The following LRRC1 variants were observed in gnomAD, a reference collection of about 807,000 sequenced individuals.
LRRC1 encodes the protein leucine rich repeat containing 1.
In LRRC1, 28 loss-of-function variants were observed where a neutral mutation model predicts 69.9. The observed-to-expected ratio is 0.40, with a 90% CI of 0.30 to 0.55. The LOEUF (loss-of-function observed/expected upper bound fraction) is 0.55, where lower values mean the gene tolerates loss of function less well. LRRC1 is among the 20% of genes least tolerant of loss of function. LRRC1 has a pLI of 0.47. For missense variants in LRRC1, 498 were observed against 609.0 expected (o/e 0.82, Z 1.92); for synonymous variants, 236 against 240.2 (o/e 0.98, Z 0.16).
At chr6:53,847,766 G>A (rs1399506627) in intron 2 of LRRC1, among the ~76,000 whole-genome samples, 1 of 152,162 alleles carries the variant, frequency 6.6e-6, no homozygotes, top group African/African-American at 2.4e-5. Flanking sequence ...AACCAATCTC[G>A]AACCCTGTTG....
intron 1 of LRRC1, among the ~76,000 whole-genome samples, chr6:53,840,095 TTCTCTGTTTCCTGGA>T (rs933793921): frequency 1.2e-4 from 19 of 152,216 alleles, no homozygotes; most frequent in Non-Finnish European, 2.6e-4. Context: ...GTTTTGTTGA[TTCTCTGTTTCCTGGA>T]TCTCAGGTTG....
At chr6:53,884,741 G>C (rs949078949) in intron 4 of LRRC1, among the ~76,000 whole-genome samples, 1 of 152,022 alleles carries the variant, frequency 6.6e-6, no homozygotes, top group African/African-American at 2.4e-5. Context: ...AATGCTTTGA[G>C]ATAAAATATA....
chr6:53,852,408 A>G (rs1766166746), intron 2 of LRRC1, among the ~76,000 whole-genome samples: 1 of 152,208 alleles, frequency 6.6e-6, no homozygotes, highest in Non-Finnish European at 1.5e-5. Flanking sequence ...ATAGAGTGAT[A>G]CAAGTGAGGT....
intron 4 of LRRC1, among the ~76,000 whole-genome samples, chr6:53,889,208 A>G (rs543276364): frequency 6.6e-6 from 1 of 152,270 alleles, no homozygotes; most frequent in African/African-American, 2.4e-5. Flanking sequence ...AATGCTAACA[A>G]GTGTTGTTCA....
At chr6:53,819,926 T>A (rs1186686536) in intron 1 of LRRC1, among the ~76,000 whole-genome samples, 2 of 152,182 alleles carry the variant, frequency 1.3e-5, no homozygotes, top group Non-Finnish European at 2.9e-5. Context: ...ATTGAGTTTA[T>A]AGTTCAGTTA....
chr6:53,844,929 G>A (rs1179306849), intron 2 of LRRC1, among the ~76,000 whole-genome samples: 2 of 152,208 alleles, frequency 1.3e-5, no homozygotes, highest in African/African-American at 4.8e-5. Context: ...CCTGGGCTGG[G>A]TGCGGTGGCT....
At chr6:53,874,476 A>G (rs1274641887) in intron 2 of LRRC1, among the ~76,000 whole-genome samples, 4 of 152,132 alleles carry the variant, frequency 2.6e-5, no homozygotes. Flanking sequence ...AACTAGGACC[A>G]TAGTGTTTGT....
At chr6:53,898,178 T>C (rs1581908586) in intron 7 of LRRC1, among the ~76,000 whole-genome samples, 1 of 152,240 alleles carries the variant, frequency 6.6e-6, no homozygotes, top group Non-Finnish European at 1.5e-5. Context: ...TTAGTTGTTA[T>C]AGCACTGAAG....
At chr6:53,910,775 T>C (rs1302271039) in intron 10 of LRRC1, among the ~76,000 whole-genome samples, 1 of 152,266 alleles carries the variant, frequency 6.6e-6, no homozygotes, top group African/African-American at 2.4e-5. Flanking sequence ...GCCTAAATTC[T>C]AGCCCAGGTC....
At chr6:53,811,617 A>T (rs983397934) in intron 1 of LRRC1, among the ~76,000 whole-genome samples, 9 of 152,262 alleles carry the variant, frequency 5.9e-5, no homozygotes, top group African/African-American at 2.2e-4. Flanking sequence ...TATTAGCTGC[A>T]TACAGTATTC....
chr6:53,914,372 C>G (rs1206281905), intron 11 of LRRC1, among the ~76,000 whole-genome samples: 1 of 152,106 alleles, frequency 6.6e-6, no homozygotes, highest in Non-Finnish European at 1.5e-5. Flanking sequence ...AGTTTGAACT[C>G]AGTTTTAACC....
chr6:53,836,157 A>G (rs1374602927), intron 1 of LRRC1, among the ~76,000 whole-genome samples: 2 of 152,222 alleles, frequency 1.3e-5, no homozygotes, highest in East Asian at 3.8e-4. Context: ...AGCTGGCACT[A>G]ACTGCTAGAC....
Position 53,919,662 on chromosome 6 carries a change from C to T in LRRC1, c.1271C>T (p.Thr424Ile), listed in dbSNP as rs774622125. The T allele has an allele frequency of 1.9e-6, 3 of 1,611,834 alleles. No homozygotes were observed. Among genetic ancestry groups the T allele is most frequent in the African/African-American group, 1.3e-5 (1 of 74,810 alleles). The change falls in exon 12 of 14, where the codon ACT becomes ATT. Residue 424 changes from threonine (T) to isoleucine (I), a missense_variant. Thr to Ile is a moderately conservative substitution (Grantham distance 89). This residue lies in a region of LRRC1 where 162 missense variants were observed against 162.9 expected (regional missense o/e 0.99). Coordinates refer to ENST00000370888, the MANE Select transcript of LRRC1 (RefSeq NM_018214.5). ...CTTCCTCAGCTGCCTTCTGAACCTA[C>T]TTGTCAAGGTGAATTTAATTTAAGG... The part of the protein sequence containing the change: ...VLLPQLPSEP[T>I]CQENLPRCGA...
chr6:53,810,886 C>T lies in LRRC1; in HGVS notation c.159+15471C>T, dbSNP rs569535296. Among the ~76,000 whole-genome samples, 14 of 152,226 alleles carry T rather than the reference C, an allele frequency of 9.2e-5. No individual in the cohort carries two copies. In the South Asian group the frequency reaches 2.9e-3, roughly 32 times the overall value. On this transcript the variant is annotated intron_variant, in intron 1 of 13. Coordinates refer to ENST00000370888, the MANE Select transcript of LRRC1 (RefSeq NM_018214.5). The stretch of plus-strand genomic sequence containing the variant: ...TGCCGCCTTCTCTGTGAAACCCTCC[C>T]AGGTCTCCAATCTGTCAACGTCTCT...
In LRRC1 at chr6:53,795,419, A is replaced by T; in HGVS notation, c.159+4A>T. ...CCAGCTCCGCGAGCTGCCCGAGGTA[A>T]GGGTCCGGCCTCACCTGAGCGCTCT... On this transcript the variant is annotated splice_donor_region_variant and intron_variant, in intron 1 of 13. Transcript: ENST00000370888. The T allele has an allele frequency of 6.2e-7, 1 of 1,609,590 alleles. No individual in the cohort carries two copies. The highest frequency in any genetic ancestry group is 2.2e-5 in the East Asian group (1 of 44,834).
Position 53,920,693 on chromosome 6 carries a change from C to T in LRRC1, c.1348C>T (p.Arg450Cys), listed in dbSNP as rs769376925. The change falls in exon 13 of 14, where the codon CGT (arginine) becomes TGT (cysteine). Residue 450 changes from arginine to cysteine, a missense_variant. Arg to Cys is a radical substitution (Grantham distance 180, BLOSUM62 -3). Transcript: ENST00000370888. ...NDVSDEAWNERAVNRVSAIRF... is the reference protein window; with the variant it reads ...NDVSDEAWNECAVNRVSAIRF... Reference sequence around the variant, plus strand: ...TGTCTCTGATGAAGCCTGGAACGAGCGTGCTGTCAACAGAGTCAGTGCGAT... The same window carrying T: ...TGTCTCTGATGAAGCCTGGAACGAGTGTGCTGTCAACAGAGTCAGTGCGAT... 6 of 1,613,916 alleles carry T rather than the reference C, an allele frequency of 3.7e-6. No individual in the cohort carries two copies. The highest frequency in any genetic ancestry group is 1.3e-5 in the African/African-American group (1 of 74,904).
intron 2 of LRRC1, among the ~76,000 whole-genome samples, chr6:53,861,522 T>C (rs1239122884): frequency 6.6e-6 from 1 of 151,064 alleles, no homozygotes; most frequent in African/African-American, 2.4e-5. Context: ...GACCATTCTT[T>C]AAGCGGGTCA....
At chr6:53,800,758 G>T (rs745767154) in intron 1 of LRRC1, among the ~76,000 whole-genome samples, 1 of 151,158 alleles carries the variant, frequency 6.6e-6, no homozygotes, top group African/African-American at 2.4e-5. Flanking sequence ...TCCTGTCTCA[G>T]CCCCCTGAGT....
intron 5 of LRRC1, 37 bp downstream of exon 5, chr6:53,896,591 A>G (rs773708456): frequency 6.4e-7 from 1 of 1,554,664 alleles, no homozygotes. Flanking sequence ...GATTTTGTGC[A>G]GAATGAATTT....
Sources: allele counts gnomAD v4.1 joint callset (sites outside exome capture counted in the v4.1 genomes callset), GRCh38; gene constraint gnomAD v4.1.1; regional missense constraint gnomAD v4.1.1; transcripts MANE v1.5; gene names NCBI Gene and HGNC (gene_info 2026-07-23, HGNC 2026-07-21).